The following ABR variants were observed in gnomAD, a reference collection of about 807,000 sequenced individuals.
The protein encoded by ABR is ABR activator of RhoGEF and GTPase.
Under a neutral mutation model 107.2 loss-of-function variants are expected in ABR, and 35 were observed. That is an observed-to-expected ratio of 0.33 (90% CI 0.25 to 0.43). The LOEUF (loss-of-function observed/expected upper bound fraction) is 0.43, where lower values mean the gene tolerates loss of function less well. Among genes scored for constraint, ABR ranks in the 20% least tolerant of loss-of-function variants. The pLI, the probability that ABR is intolerant of heterozygous loss-of-function variation, is 1.00. For synonymous variants in ABR, 498 were observed against 462.0 expected (o/e 1.08, Z -1.00); for missense variants, 815 against 1,115.2 (o/e 0.73, Z 3.83).
At chr17:1,206,332 A>G (rs978085904) in intron 1 of ABR, among the ~76,000 whole-genome samples, 3 of 152,212 alleles carry the variant, frequency 2.0e-5, no homozygotes, top group African/African-American at 7.2e-5. Context: ...CACAGGGTTT[A>G]TCCCAGGAAT....
At chr17:1,058,638 A>AG in intron 11 of ABR, 107 bp downstream of exon 11, 1 of 1,414,908 alleles carries the variant, frequency 7.1e-7, no homozygotes, top group Non-Finnish European at 9.5e-7. Flanking sequence ...CCTCAGGAAG[A>AG]GGGGGCCTGA....
intron 16 of ABR, among the ~76,000 whole-genome samples, chr17:1,023,118 T>TGC (rs1567594533): frequency 0.18 from 26,196 of 142,782 alleles, 5,146 homozygotes; most frequent in Admixed American, 0.29. Flanking sequence ...CCACGTCCAC[T>TGC]ACAGCGCCTC....
At chr17:1,176,718 G>A (rs1477504575) in intron 1 of ABR, among the ~76,000 whole-genome samples, 1 of 152,090 alleles carries the variant, frequency 6.6e-6, no homozygotes, top group East Asian at 1.9e-4. Flanking sequence ...GTGGTGGCAG[G>A]CGCCCATAAT....
intron 2 of ABR, among the ~76,000 whole-genome samples, chr17:1,113,424 T>A (rs938269929): frequency 6.6e-6 from 1 of 151,884 alleles, no homozygotes; most frequent in Non-Finnish European, 1.5e-5. Flanking sequence ...GTAGCTGGGA[T>A]TACAGGAACC....
At chr17:1,081,355 G>A (rs1047859325) in intron 5 of ABR, among the ~76,000 whole-genome samples, 10 of 152,236 alleles carry the variant, frequency 6.6e-5, no homozygotes, top group South Asian at 2.1e-4. Flanking sequence ...GATTACAGGC[G>A]TGAGCCACTG....
chr17:1,004,244 G>A lies in ABR; in HGVS notation c.*1836C>T, dbSNP rs1050369526. 7 of 152,454 alleles carry A rather than the reference G, an allele frequency of 4.6e-5. No homozygotes were observed. The highest frequency in any genetic ancestry group is 1.4e-4 in the African/African-American group (6 of 41,582). 9.4% of individuals were successfully genotyped at this position (152,454 alleles called of 1,614,324 possible). Reference sequence around the variant, plus strand: ...TCAAGTTCACCGCCTTTCCCAGGGAGCAAGGGCTCCTTGCTAAGCTGCTCA... The same window carrying A: ...TCAAGTTCACCGCCTTTCCCAGGGAACAAGGGCTCCTTGCTAAGCTGCTCA... On this transcript the variant is annotated 3_prime_UTR_variant, in exon 23 of 23. Transcript: ENST00000302538.
chr17:1,207,932 G>A (rs116238777), intron 1 of ABR, among the ~76,000 whole-genome samples: 5,217 of 151,888 alleles, frequency 0.034, 221 homozygotes, highest in African/African-American at 0.1. Flanking sequence ...CACTGCACCA[G>A]CCTAATTTTT....
chr17:1,189,461 G>A (rs149100628), upstream of ABR, among the ~76,000 whole-genome samples: 1,961 of 149,842 alleles, frequency 0.013, 22 homozygotes, highest in Non-Finnish European at 0.023. Flanking sequence ...TGATTCTCCC[G>A]CCTCAGTCTC....
At chr17:1,063,971 G>A (rs1170129221) in intron 10 of ABR, among the ~76,000 whole-genome samples, 4 of 147,230 alleles carry the variant, frequency 2.7e-5, no homozygotes, top group Non-Finnish European at 4.5e-5. Context: ...GGCTATGCAT[G>A]TTCCTCTAGA....
chr17:1,033,361 C>A lies in ABR; in HGVS notation c.1791+16689G>T, dbSNP rs568475223. On this transcript the variant is annotated intron_variant, in intron 16 of 22. Coordinates refer to ENST00000302538, the MANE Select transcript of ABR (RefSeq NM_021962.5). The stretch of plus-strand genomic sequence containing the variant: ...TCATGGATTAAGTCACTTACCCCTC[C>A]CAACTGTATGAAGTCAGTACCAGCA... Among the ~76,000 whole-genome samples, 8 of 152,328 alleles carry A rather than the reference C, an allele frequency of 5.3e-5. No homozygotes were observed. In the South Asian group the frequency reaches 6.2e-4, roughly 12 times the overall value.
chr17:1,100,533 G>GT, intron 3 of ABR, 104 bp downstream of exon 3: 1 of 1,089,950 alleles, frequency 9.2e-7, no homozygotes, highest in East Asian at 2.4e-5. Context: ...GGAGGGACGG[G>GT]TACGGTCCCC....
At position 1,084,027 on chromosome 17, in the gene ABR, T is replaced by C. The variant is rs931198389; in HGVS notation, c.532-400A>G. ...GAGCAGGGAGAGAGGGGGGTGTGTG[T>C]GCTGGGGGGAGCTGGCACGTGTGGC... On this transcript the variant is annotated intron_variant, in intron 4 of 22. Coordinates refer to ENST00000302538, the MANE Select transcript of ABR (RefSeq NM_021962.5). The surrounding 1 kb of genome is among the most constrained non-coding windows in gnomAD (Gnocchi z 4.2). Among the ~76,000 whole-genome samples the C allele has an allele frequency of 3.3e-5, 5 of 151,950 alleles. No individual in the cohort carries two copies. Among genetic ancestry groups the C allele is most frequent in the Non-Finnish European group, 1.5e-5 (1 of 67,970 alleles).
chr17:1,058,823 C>T lies in ABR; in HGVS notation c.1227G>A (p.Lys409=). Reference sequence around the variant, plus strand: ...GCAGGAACTCATTCTCAAACATCTTCTTCTTCAGGCGCTCGATGGCCCGGC... The same window carrying T: ...GCAGGAACTCATTCTCAAACATCTTTTTCTTCAGGCGCTCGATGGCCCGGC... The part of the protein sequence containing the change: ...GQSRAIERLK[K]KMFENEFLLL... Residue 409 remains lysine, a synonymous_variant, in exon 11 of 23, where the codon AAG becomes AAA. Transcript: ENST00000302538. The T allele has an allele frequency of 6.2e-7, 1 of 1,614,160 alleles. No individual in the cohort carries two copies. The highest frequency in any genetic ancestry group is 8.5e-7 in the Non-Finnish European group (1 of 1,180,032).
At chr17:1,124,026 A>G (rs1484952582) in intron 2 of ABR, among the ~76,000 whole-genome samples, 1 of 152,084 alleles carries the variant, frequency 6.6e-6, no homozygotes, top group Admixed American at 6.5e-5. Flanking sequence ...ACTGCCGCTA[A>G]ACTCGGCCTC....
chr17:1,073,847 G>A (rs527813309), intron 6 of ABR, among the ~76,000 whole-genome samples, 170 bp from the exon 7 acceptor site: 7 of 151,890 alleles, frequency 4.6e-5, no homozygotes, highest in East Asian at 3.9e-4. Context: ...TCCCCGGGCC[G>A]ACCAAACAGC....
At chr17:1,134,588 T>C (rs2039978642) in intron 1 of ABR, among the ~76,000 whole-genome samples, 1 of 152,134 alleles carries the variant, frequency 6.6e-6, no homozygotes, top group African/African-American at 2.4e-5. Flanking sequence ...CATTTCCAAA[T>C]GATATCCTCA....
At chr17:1,019,617 A>G (rs2071463560) in intron 16 of ABR, among the ~76,000 whole-genome samples, 1 of 152,272 alleles carries the variant, frequency 6.6e-6, no homozygotes, top group South Asian at 2.1e-4. Flanking sequence ...ATTTCAGGAT[A>G]TCATTTAAAC....
At position 1,037,785 on chromosome 17, in the gene ABR, T is replaced by C. The variant is rs916470696; in HGVS notation, c.1791+12265A>G. Reference sequence around the variant, plus strand: ...GCCGAGCCTCCCTGCTCTTTCTTCATTCTGGATTCCCGAACACCTCCCTTC... The same window carrying C: ...GCCGAGCCTCCCTGCTCTTTCTTCACTCTGGATTCCCGAACACCTCCCTTC... On this transcript the variant is annotated intron_variant, in intron 16 of 22. Coordinates refer to ENST00000302538, the MANE Select transcript of ABR (RefSeq NM_021962.5). This position sits in a 1 kb window ranked among gnomAD's most constrained non-coding sequence, Gnocchi z 4.6. 2.6e-5 allele frequency among the ~76,000 whole-genome samples: 4 copies of C among 152,040 alleles called. No individual in the cohort carries two copies. The highest frequency in any genetic ancestry group is 9.7e-5 in the African/African-American group (4 of 41,400).
chr17:1,066,353 T>C (rs1226498683), intron 10 of ABR, among the ~76,000 whole-genome samples: 1 of 152,210 alleles, frequency 6.6e-6, no homozygotes, highest in African/African-American at 2.4e-5. Context: ...GGGCACAAGC[T>C]TCTCTGCATT....
Sources: gnomAD v4.1 joint callset for allele counts (sites outside exome capture counted in the v4.1 genomes callset) on GRCh38, gnomAD v4.1.1 for gene constraint, Gnocchi (gnomAD v3.1) non-coding constraint, MANE v1.5 for transcripts, NCBI Gene and HGNC (gene_info 2026-07-23, HGNC 2026-07-21) for gene names.